The following MID1 variants were observed in gnomAD, a reference collection of about 807,000 sequenced individuals.
MID1 encodes midline 1.
Under a neutral mutation model 40.4 loss-of-function variants are expected in MID1, and 7 were observed. The ratio of observed to expected loss-of-function variants is 0.17; its 90% CI spans 0.10 to 0.33. MID1 has a LOEUF of 0.33. Ranked by LOEUF, MID1 falls within the 10% of genes least tolerant of loss-of-function variation. The pLI is 1.00. For missense variants in MID1, 367 were observed against 558.5 expected (o/e 0.66, Z 3.46); for synonymous variants, 229 against 221.2 (o/e 1.04, Z -0.31).
intron 2 of MID1, among the ~76,000 whole-genome samples, chrX:10,539,767 CAG>C (rs1163431196): frequency 1.8e-5 from 2 of 112,651 alleles, no homozygotes; most frequent in African/African-American, 6.4e-5. Context: ...TTCTTTGAGA[CAG>C]AGTCTCACTC....
chrX:10,522,747 C>T (rs1370751027), intron 3 of MID1, among the ~76,000 whole-genome samples: 7 of 111,601 alleles, frequency 6.3e-5, no homozygotes, highest in Admixed American at 1.9e-4. Flanking sequence ...CTGCCTGCCT[C>T]GGCCTCCCAA....
chrX:10,577,039 C>T (rs1354627269), intron 1 of MID1: 1 of 111,979 alleles, frequency 8.9e-6, no homozygotes, highest in Non-Finnish European at 1.9e-5. Context: ...TTTCCACGGC[C>T]CCCGCCACAA....
chrX:10,586,663 T>TAA, intron 1 of MID1, among the ~76,000 whole-genome samples: 1 of 111,214 alleles, frequency 9.0e-6, no homozygotes, highest in Non-Finnish European at 1.9e-5. Context: ...CACCACAGCA[T>TAA]GGGGGGACTT....
chrX:10,465,262 TA>T (rs1929323038), intron 7 of MID1, among the ~76,000 whole-genome samples: 1 of 54,226 alleles, frequency 1.8e-5, no homozygotes, highest in Non-Finnish European at 3.4e-5. Flanking sequence ...CACACACACA[TA>T]CATATATGAA....
chrX:10,726,515 A>G (rs2043391807), intron 1 of MID1, among the ~76,000 whole-genome samples: 1 of 111,795 alleles, frequency 8.9e-6, no homozygotes, highest in South Asian at 3.7e-4. Flanking sequence ...AGGAAAAAAA[A>G]AAACAGAATA....
chrX:10,716,100 CAG>C (rs1227303046), intron 1 of MID1, among the ~76,000 whole-genome samples: 1 of 111,582 alleles, frequency 9.0e-6, no homozygotes, highest in Non-Finnish European at 1.9e-5. Context: ...GGGGAAAAAA[CAG>C]AGCAGAAAAA....
At chrX:10,774,883 CTAAG>C (rs1358242001) in intron 1 of MID1, among the ~76,000 whole-genome samples, 1 of 111,537 alleles carries the variant, frequency 9.0e-6, no homozygotes, top group Admixed American at 9.6e-5. Context: ...TTTATTATAT[CTAAG>C]TCCACTTCAA....
intron 1 of MID1, among the ~76,000 whole-genome samples, chrX:10,809,243 A>G (rs1234891850): frequency 8.9e-6 from 1 of 112,044 alleles, no homozygotes. Context: ...ATCTCACACC[A>G]GTTAGAATGG....
intron 2 of MID1, among the ~76,000 whole-genome samples, chrX:10,553,544 T>C (rs1311118873): frequency 8.9e-6 from 1 of 111,862 alleles, no homozygotes; most frequent in Non-Finnish European, 1.9e-5. Flanking sequence ...AAATTTGAAA[T>C]GTTGAACTCA....
intron 1 of MID1, among the ~76,000 whole-genome samples, chrX:10,730,346 G>A (rs1440121176): frequency 1.8e-5 from 2 of 110,332 alleles, no homozygotes; most frequent in Non-Finnish European, 3.8e-5. Context: ...TAAGAAAAAA[G>A]CATCAAATCA....
At chrX:10,624,267 T>C (rs1935972440), upstream of MID1, among the ~76,000 whole-genome samples, 1 of 111,816 alleles carries the variant, frequency 8.9e-6, no homozygotes, top group Non-Finnish European at 1.9e-5. Context: ...AATTCATATA[T>C]TGGGAAGTGT....
At chrX:10,659,960 A>G (rs2040320284) in intron 1 of MID1, among the ~76,000 whole-genome samples, 2 of 112,341 alleles carry the variant, frequency 1.8e-5, no homozygotes, top group African/African-American at 6.5e-5. Context: ...TGACTTTGGG[A>G]TGTATGTTGC....
At chrX:10,460,962 T>C (rs1318249880) in intron 7 of MID1, among the ~76,000 whole-genome samples, 2 of 110,883 alleles carry the variant, frequency 1.8e-5, no homozygotes, top group South Asian at 3.8e-4. Context: ...TCTTACTGAA[T>C]ACTTACTTAC....
intron 3 of MID1, among the ~76,000 whole-genome samples, chrX:10,511,254 A>G (rs956829986): frequency 7.2e-5 from 8 of 111,090 alleles, no homozygotes; most frequent in Admixed American, 2.9e-4. Flanking sequence ...TCAAAAAAAA[A>G]AAAAAAAATT....
chrX:10,593,220 T>C (rs975371026), intron 1 of MID1, among the ~76,000 whole-genome samples: 2 of 112,536 alleles, frequency 1.8e-5, no homozygotes, highest in Admixed American at 1.9e-4. Context: ...TCACTGCTGT[T>C]CAGTAAGAGT....
intron 1 of MID1, among the ~76,000 whole-genome samples, chrX:10,792,787 T>C (rs1325427326): frequency 9.0e-6 from 1 of 111,597 alleles, no homozygotes; most frequent in Non-Finnish European, 1.9e-5. Context: ...TATAGGGTGA[T>C]GAAAATGTTC....
intron 1 of MID1, among the ~76,000 whole-genome samples, chrX:10,602,928 C>G (rs929143603): frequency 8.9e-6 from 1 of 112,463 alleles, no homozygotes; most frequent in African/African-American, 3.2e-5. Context: ...CTCTTCGCAA[C>G]CTTCCTTTTC....
rs188320121 is a variant in MID1, at chrX:10,486,037, C to T, written c.865-3409G>A. Among the ~76,000 whole-genome samples the T allele has an allele frequency of 9.0e-5, 10 of 111,594 alleles. 1 individual carries two copies. The highest frequency in any genetic ancestry group is 4.8e-4 in the Admixed American group (5 of 10,508). ...GTGTTGACATGAAACTTATCCCCGA[C>T]TACTGAAAAAAAGAAGAAAATTCTT... is the stretch of plus-strand genomic sequence containing the variant. On this transcript the variant is annotated intron_variant, in intron 4 of 9. Coordinates refer to ENST00000317552, the MANE Select transcript of MID1 (RefSeq NM_000381.4).
intron 1 of MID1, among the ~76,000 whole-genome samples, chrX:10,648,555 C>T (rs1936285369): frequency 8.9e-6 from 1 of 112,075 alleles, no homozygotes; most frequent in Non-Finnish European, 1.9e-5. Flanking sequence ...TCTTCCTTTT[C>T]TTCATTTGCT....
Sources: gnomAD v4.1 joint callset for allele counts (sites outside exome capture counted in the v4.1 genomes callset) on GRCh38, gnomAD v4.1.1 for gene constraint, MANE v1.5 for transcripts, NCBI Gene and HGNC (gene_info 2026-07-23, HGNC 2026-07-21) for gene names.